ERO1A: variants seen among roughly 807,000 people sequenced by gnomAD.
ERO1A encodes the protein ERO1-like protein alpha.
In ERO1A, 49 loss-of-function variants were observed where a neutral mutation model predicts 76.9. That is an observed-to-expected ratio of 0.64 (90% CI 0.51 to 0.81). ERO1A has a LOEUF of 0.81. ERO1A is among the 30% of genes least tolerant of loss of function. The pLI is 0.00. For synonymous variants in ERO1A, 174 were observed against 181.2 expected (o/e 0.96, Z 0.32); for missense variants, 448 against 542.1 (o/e 0.83, Z 1.72).
At position 52,642,513 on chromosome 14, in the gene ERO1A, T is replaced by A. The variant is rs1276322430; in HGVS notation, c.*1057A>T. 6.6e-6 allele frequency: 1 copy of A among 152,182 alleles called. No individual in the cohort carries two copies. Among genetic ancestry groups the A allele is most frequent in the Non-Finnish European group, 1.5e-5 (1 of 68,044 alleles). 9.4% of individuals were successfully genotyped at this position (152,182 alleles called of 1,614,324 possible). A position where few individuals can be genotyped will look rare whatever the true frequency, so the allele number is the denominator to read the frequency against. On this transcript the variant is annotated 3_prime_UTR_variant, in exon 16 of 16. Coordinates refer to ENST00000395686, the MANE Select transcript of ERO1A (RefSeq NM_014584.3). ...GCTTACAGTATTATAGTTCCAGAAT[T>A]GTGGGAGTTTTTTTTTCTGAGAAAA...
intron 11 of ERO1A, among the ~76,000 whole-genome samples, chr14:52,655,939 A>G (rs1029245230): frequency 2.0e-5 from 3 of 152,220 alleles, no homozygotes; most frequent in Non-Finnish European, 4.4e-5. Context: ...GGAAGTATAT[A>G]TACATTGTTA....
rs1430521727 is a variant in ERO1A at position 52,642,669 on chromosome 14, AAGAT to A, written c.*897_*900del. 2.6e-5 allele frequency: 4 copies of A among 152,542 alleles called. No individual in the cohort carries two copies. The highest frequency in any genetic ancestry group is 9.7e-5 in the African/African-American group (4 of 41,424). The allele number at this position is 152,542 out of a possible 1,614,324, so 9.4% of individuals were successfully genotyped here. A position where few individuals can be genotyped will look rare whatever the true frequency, so the allele number is the denominator to read the frequency against. ...GTGTGTGTGTACAGAGAAAGCATGAAAGATAAAGCACGTATGAACAATTAGTGAA... is the reference window on the plus strand; with the variant it reads ...GTGTGTGTGTACAGAGAAAGCATGAAAAAGCACGTATGAACAATTAGTGAA... On this transcript the variant is annotated 3_prime_UTR_variant, in exon 16 of 16. Transcript: ENST00000395686.
intron 1 of ERO1A, among the ~76,000 whole-genome samples, chr14:52,692,683 T>C (rs982708678): frequency 6.6e-6 from 1 of 152,206 alleles, no homozygotes; most frequent in African/African-American, 2.4e-5. Context: ...CACTAAACTA[T>C]AGCTCTTCAG....
rs1210122037 is a variant in ERO1A, at chr14:52,640,666, CAATG to C, written c.*2900_*2903del. 6.6e-6 allele frequency: 1 copy of C among 151,892 alleles called. No individual in the cohort carries two copies. The highest frequency in any genetic ancestry group is 2.4e-5 in the African/African-American group (1 of 41,322). 9.4% of individuals were successfully genotyped at this position (151,892 alleles called of 1,614,324 possible). A position where few individuals can be genotyped will look rare whatever the true frequency, so the allele number is the denominator to read the frequency against. On this transcript the variant is annotated 3_prime_UTR_variant, in exon 16 of 16. Transcript: ENST00000395686. Reference sequence around the variant, plus strand: ...TACTGTAGGTATTTATTAATAATAGCAATGAAGATGAAAGAGTGATGTATCAGAG... The same window carrying C: ...TACTGTAGGTATTTATTAATAATAGCAAGATGAAAGAGTGATGTATCAGAG...
rs115090784 is a variant in ERO1A at position 52,662,952 on chromosome 14, G to A, written c.676+849C>T. ...CTACACAGTGGGAAAGGCCGTAAGA[G>A]GAAAACAAGTAAAAACAAACGCATG... On this transcript the variant is annotated intron_variant, in intron 8 of 15. Transcript: ENST00000395686. Among the ~76,000 whole-genome samples, 703 of 152,160 alleles carry A rather than the reference G, an allele frequency of 4.6e-3. 4 individuals carry two copies. Among genetic ancestry groups the A allele is most frequent in the African/African-American group, 0.016 (682 of 41,492 alleles).
chr14:52,666,067 G>C (rs2040400071), intron 7 of ERO1A, among the ~76,000 whole-genome samples: 1 of 152,108 alleles, frequency 6.6e-6, no homozygotes, highest in African/African-American at 2.4e-5. Flanking sequence ...TGTGATCTTG[G>C]GAAATGAAGC....
rs1382615503 is a variant in ERO1A, at chr14:52,691,584, A to G, written c.114+3784T>C. ...CCACGGCCCAGCCACCAGGCTAACA[A>G]TTAAAACCATTGTTTCAACTGACCT... is the stretch of plus-strand genomic sequence containing the variant. On this transcript the variant is annotated intron_variant, in intron 1 of 15. Coordinates refer to ENST00000395686, the MANE Select transcript of ERO1A (RefSeq NM_014584.3). 3.9e-5 allele frequency among the ~76,000 whole-genome samples: 6 copies of G among 152,236 alleles called. No individual in the cohort carries two copies. The South Asian group carries it at 1.0e-3, about 26-fold the overall frequency.
intron 7 of ERO1A, among the ~76,000 whole-genome samples, chr14:52,664,817 G>T (rs1389275440): frequency 6.6e-6 from 1 of 151,880 alleles, no homozygotes; most frequent in East Asian, 2.0e-4. Flanking sequence ...TCAGCCTCTC[G>T]AGTAGCTGGG....
At chr14:52,690,255 C>T (rs2041310358) in intron 1 of ERO1A, among the ~76,000 whole-genome samples, 1 of 151,626 alleles carries the variant, frequency 6.6e-6, no homozygotes, top group Non-Finnish European at 1.5e-5. Flanking sequence ...GCAATAAAAG[C>T]AAAAATAAGT....
chr14:52,695,217 T>C, intron 1 of ERO1A, 151 bp downstream of exon 1: 1 of 522,144 alleles, frequency 1.9e-6, no homozygotes, highest in Non-Finnish European at 3.0e-6. Flanking sequence ...CCAGACTCAG[T>C]CCCGGCCACC....
intron 6 of ERO1A, among the ~76,000 whole-genome samples, chr14:52,666,728 C>T (rs916148672): frequency 8.5e-5 from 13 of 152,114 alleles, no homozygotes; most frequent in African/African-American, 2.4e-4. Context: ...GTCAGGAGTT[C>T]GAATCCAGCC....
chr14:52,646,394 C>T lies in ERO1A; in HGVS notation c.1193G>A (p.Arg398His), dbSNP rs1312594374. 12 of 1,613,188 alleles carry T rather than the reference C, an allele frequency of 7.4e-6. No individual in the cohort carries two copies. The highest frequency in any genetic ancestry group is 1.1e-5 in the South Asian group (1 of 90,914). Residue 398 changes from arginine to histidine, a missense_variant, in exon 14 of 16, where the codon CGT becomes CAT. By Grantham distance (29) the Arg-to-His change is conservative. This residue lies in a region of ERO1A where 302 missense variants were observed against 411.9 expected (regional missense o/e 0.73). Coordinates refer to ENST00000395686, the MANE Select transcript of ERO1A (RefSeq NM_014584.3). ...GCTTACCTGAAGCTTTCCCCACAGA[C>T]GACATTTAAAACAACCAACACAATC... Reference protein sequence around the residue: ...IMDCVGCFKCRLWGKLQTQGL... With the variant: ...IMDCVGCFKCHLWGKLQTQGL...
At chr14:52,653,991 T>C (rs1287781167) in intron 11 of ERO1A, among the ~76,000 whole-genome samples, 2 of 152,136 alleles carry the variant, frequency 1.3e-5, no homozygotes, top group Non-Finnish European at 2.9e-5. Flanking sequence ...AGTATGAGTT[T>C]ATACCTGTTT....
At chr14:52,681,011 G>T (rs147688733) in intron 3 of ERO1A, among the ~76,000 whole-genome samples, 2 of 152,152 alleles carry the variant, frequency 1.3e-5, no homozygotes, top group African/African-American at 4.8e-5. Flanking sequence ...AGAATGTGAA[G>T]AAACTGGAAC....
intron 9 of ERO1A, among the ~76,000 whole-genome samples, chr14:52,659,460 G>A (rs929331112): frequency 2.0e-5 from 3 of 152,132 alleles, no homozygotes; most frequent in African/African-American, 4.8e-5. Flanking sequence ...ATGGTTCCTG[G>A]AGTCAAACTG....
rs756589242 is a variant in ERO1A at position 52,682,328 on chromosome 14, T to A, written c.315A>T (p.Gln105His). 1 of 1,602,516 alleles carries A rather than the reference T, an allele frequency of 6.2e-7. No individual in the cohort carries two copies. The highest frequency in any genetic ancestry group is 1.7e-5 in the Admixed American group (1 of 59,444). The change falls in exon 3 of 16, where the codon CAA (glutamine) becomes CAT (histidine). Residue 105 changes from glutamine to histidine, a missense_variant. By Grantham distance (24) the Gln-to-His change is conservative. Around this residue, in one of 2 missense-constraint regions of ERO1A, gnomAD observed 146 missense variants for 130.2 expected, o/e 1.12. Coordinates refer to ENST00000395686, the MANE Select transcript of ERO1A (RefSeq NM_014584.3). ...GRRDCAVKPC[Q>H]SDEVPDGIKS... ...TAAATGTATACATGGTTCTTACAGA[T>A]TGACATGGTTTGACAGCACAGTCCC...
At chr14:52,652,435 C>A (rs1263368648) in intron 12 of ERO1A, 127 bp from the exon 13 acceptor site, 2 of 590,960 alleles carry the variant, frequency 3.4e-6, no homozygotes, top group East Asian at 5.5e-5. Flanking sequence ...ACTCCGATGC[C>A]CCAAATCAAA....
intron 2 of ERO1A, 90 bp from the exon 3 acceptor site, chr14:52,682,498 A>G: frequency 2.1e-6 from 2 of 953,756 alleles, no homozygotes; most frequent in Non-Finnish European, 3.2e-6. Context: ...TAACTTGGTC[A>G]TGTTATCAGG....
In ERO1A at chr14:52,658,095, T is replaced by C. The variant is rs549898349; in HGVS notation, c.715+29A>G. On this transcript the variant is annotated intron_variant, in intron 10 of 15. Transcript: ENST00000395686. ...TAATCTCATGAGAAAAAAACCATCA[T>C]TGAAATTTATTTTAAAGTTTCTAAT... is the stretch of plus-strand genomic sequence containing the variant. 36 of 1,501,920 alleles carry C rather than the reference T, an allele frequency of 2.4e-5. No individual in the cohort carries two copies. In the Middle Eastern group the frequency reaches 8.7e-4, roughly 36 times the overall value. The allele number at this position is 1,501,920 out of a possible 1,614,324, so 93.0% of individuals were successfully genotyped here.
Sources: allele counts gnomAD v4.1 joint callset (sites outside exome capture counted in the v4.1 genomes callset), GRCh38; gene constraint gnomAD v4.1.1; regional missense constraint gnomAD v4.1.1; transcripts MANE v1.5; gene names NCBI Gene and HGNC (gene_info 2026-07-23, HGNC 2026-07-21).